PCDHA9: variants seen among roughly 807,000 people sequenced by gnomAD.
The protein encoded by PCDHA9 is protocadherin alpha-9.
Under a neutral mutation model 62.0 loss-of-function variants are expected in PCDHA9, and 62 were observed. The observed-to-expected ratio is 1.00, with a 90% CI of 0.81 to 1.23. The LOEUF (loss-of-function observed/expected upper bound fraction) is 1.23. Among genes scored for constraint, PCDHA9 ranks in the 50% most tolerant of loss-of-function variants. The pLI, the probability that PCDHA9 is intolerant of heterozygous loss-of-function variation, is 0.00. For missense variants in PCDHA9, 1,205 were observed against 1,249.8 expected, an observed-to-expected ratio of 0.96 and a Z score of 0.54; for synonymous variants, 557 against 567.6, an observed-to-expected ratio of 0.98 and a Z score of 0.27.
intron 1 of PCDHA9, among the ~76,000 whole-genome samples, chr5:140,952,125 A>G (rs1027710629): frequency 6.6e-6 from 1 of 152,092 alleles, no homozygotes; most frequent in African/African-American, 2.4e-5. Context: ...TGGGCTCCCA[A>G]GGCCTTGGGA....
Position 140,883,273 on chromosome 5 carries a change from C to A in PCDHA9, c.2394+32384C>A, listed in dbSNP as rs370482487. Reference sequence around the variant, plus strand: ...ATATTCCAATGGCGGGTCATTGTACCCTTTTGGTGGAAGTACTAGATGTAA... The same window carrying A: ...ATATTCCAATGGCGGGTCATTGTACACTTTTGGTGGAAGTACTAGATGTAA... On this transcript the variant is annotated intron_variant, in intron 1 of 3. Transcript: ENST00000532602. 10 of 1,613,676 alleles carry A rather than the reference C, an allele frequency of 6.2e-6. No homozygotes were observed. The Middle Eastern group carries it at 6.6e-4, about 106-fold the overall frequency.
intron 1 of PCDHA9, among the ~76,000 whole-genome samples, chr5:140,955,667 T>C (rs1485421057): frequency 6.6e-6 from 1 of 152,188 alleles, no homozygotes; most frequent in Admixed American, 6.5e-5. Flanking sequence ...AATTTTAACA[T>C]AGTTTTTTCG....
chr5:140,900,927 G>A (rs2068371563), intron 1 of PCDHA9, among the ~76,000 whole-genome samples: 2 of 152,056 alleles, frequency 1.3e-5, no homozygotes, highest in South Asian at 4.1e-4. Context: ...ATATCTCATT[G>A]TAGTTTTGAT....
chr5:141,004,809 C>A (rs1319049687), intron 3 of PCDHA9, among the ~76,000 whole-genome samples: 1 of 152,144 alleles, frequency 6.6e-6, no homozygotes. Context: ...AGCTCAATTG[C>A]AGATTTGATT....
At chr5:140,951,544 G>C (rs543008494) in intron 1 of PCDHA9, among the ~76,000 whole-genome samples, 1 of 151,878 alleles carries the variant, frequency 6.6e-6, no homozygotes, top group African/African-American at 2.4e-5. Context: ...AGCAAGGGAC[G>C]GGGGGAAGTG....
At position 140,993,460 on chromosome 5, in the gene PCDHA9, T is replaced by TCACACA. The variant is rs1554253699; in HGVS notation, c.2542+10898_2542+10899insACACAC. ...TTCATTCCTGTTCTCCTTCTTTCTT[T>TCACACA]CTCACACACACACACACACACACAC... On this transcript the variant is annotated intron_variant, in intron 3 of 3. Transcript: ENST00000532602. Among the ~76,000 whole-genome samples, 49 of 104,564 alleles carry TCACACA rather than the reference T, an allele frequency of 4.7e-4. 1 individual carries two copies. Among genetic ancestry groups the TCACACA allele is most frequent in the Admixed American group, 1.8e-3 (15 of 8,460 alleles). 68.6% of individuals were successfully genotyped at this position (104,564 alleles called of 152,430 possible).
At chr5:140,880,198 G>C (rs1360437780) in intron 1 of PCDHA9, among the ~76,000 whole-genome samples, 1 of 152,164 alleles carries the variant, frequency 6.6e-6, no homozygotes, top group Non-Finnish European at 1.5e-5. Flanking sequence ...ATAAACAGAA[G>C]AGGTTTTCCA....
At chr5:140,902,761 G>A (rs58783050) in intron 1 of PCDHA9, among the ~76,000 whole-genome samples, 3,599 of 148,306 alleles carry the variant, frequency 0.024, 139 homozygotes, top group African/African-American at 0.083. Flanking sequence ...TCATTCTTAT[G>A]TCTTTGCATT....
At chr5:140,863,590 A>G (rs1182896433) in intron 1 of PCDHA9, 1 of 358,846 alleles carries the variant, frequency 2.8e-6, no homozygotes, top group African/African-American at 2.1e-5. Flanking sequence ...CCTGGAAAGT[A>G]TTTCATTCCT....
At chr5:140,967,159 G>A in intron 1 of PCDHA9, 2 of 1,610,752 alleles carry the variant, frequency 1.2e-6, no homozygotes, top group Non-Finnish European at 1.7e-6. Context: ...CCGTGGCGGT[G>A]AGCGCCGTTG....
At chr5:140,968,640 C>T (rs2096260908) in intron 1 of PCDHA9, 1 of 1,614,038 alleles carries the variant, frequency 6.2e-7, no homozygotes, top group Admixed American at 1.7e-5. Context: ...TACCATCTAG[C>T]CCAGACTTCT....
At chr5:141,003,081 T>C (rs2098110268) in intron 3 of PCDHA9, among the ~76,000 whole-genome samples, 1 of 152,238 alleles carries the variant, frequency 6.6e-6, no homozygotes, top group Admixed American at 6.5e-5. Context: ...AGGGTGAGTT[T>C]AACAGGCCTG....
At chr5:141,004,532 C>G (rs569751588) in intron 3 of PCDHA9, among the ~76,000 whole-genome samples, 1 of 152,314 alleles carries the variant, frequency 6.6e-6, no homozygotes, top group African/African-American at 2.4e-5. Context: ...TACACACAGC[C>G]ATTAATGTCC....
Position 141,010,405 on chromosome 5 carries a change from C to G in PCDHA9, c.*468C>G. On this transcript the variant is annotated 3_prime_UTR_variant, in exon 4 of 4. Transcript: ENST00000532602. ...ATTGGCTGAGACGAGCCAGCTTAGA[C>G]TAATTGGTACAAGGAAGGCAAGAAA... 1 of 1,260,098 alleles carries G rather than the reference C, an allele frequency of 7.9e-7. No homozygotes were observed. Among genetic ancestry groups the G allele is most frequent in the South Asian group, 1.6e-5 (1 of 64,208 alleles). 78.1% of individuals were successfully genotyped at this position (1,260,098 alleles called of 1,614,324 possible). A position where few individuals can be genotyped will look rare whatever the true frequency, so the allele number is the denominator to read the frequency against.
At chr5:140,923,434 G>A (rs1461886077) in intron 1 of PCDHA9, among the ~76,000 whole-genome samples, 1 of 152,088 alleles carries the variant, frequency 6.6e-6, no homozygotes, top group Non-Finnish European at 1.5e-5. Context: ...AGGCTGGGGT[G>A]GGAGGATCAC....
At chr5:140,933,731 A>G (rs1210438420) in intron 1 of PCDHA9, among the ~76,000 whole-genome samples, 2 of 151,958 alleles carry the variant, frequency 1.3e-5, no homozygotes, top group East Asian at 1.9e-4. Context: ...CAGCTTTCTT[A>G]AATATTTGGT....
At chr5:140,886,599 G>A (rs1370842751) in intron 1 of PCDHA9, among the ~76,000 whole-genome samples, 1 of 151,940 alleles carries the variant, frequency 6.6e-6, no homozygotes, top group African/African-American at 2.4e-5. Flanking sequence ...AGGCCAAGGT[G>A]GGCGGATCAG....
At chr5:140,896,608 C>A (rs1356168334) in intron 1 of PCDHA9, among the ~76,000 whole-genome samples, 2 of 151,832 alleles carry the variant, frequency 1.3e-5, no homozygotes, top group Non-Finnish European at 2.9e-5. Context: ...AACTCCTGGT[C>A]TTAAGTGATC....
chr5:140,850,168 A>C lies in PCDHA9; in HGVS notation c.1673A>C (p.Glu558Ala). The change falls in exon 1 of 4, where the codon GAG becomes GCG. Residue 558 changes from glutamate to alanine, a missense_variant. Physicochemically the swap from Glu to Ala is moderately radical, Grantham distance 107 (BLOSUM62 -1). Transcript: ENST00000532602. Reference sequence around the variant, plus strand: ...ACGCTGCAGGTGTTCGTGCTGGACGAGAACGACAATGCGCCGGCGCTGCTG... The same window carrying C: ...ACGCTGCAGGTGTTCGTGCTGGACGCGAACGACAATGCGCCGGCGCTGCTG... ...NVTLQVFVLDENDNAPALLTP... is the reference protein window; with the variant it reads ...NVTLQVFVLDANDNAPALLTP... The C allele has an allele frequency of 6.3e-7, 1 of 1,594,824 alleles. No individual in the cohort carries two copies. The highest frequency in any genetic ancestry group is 8.6e-7 in the Non-Finnish European group (1 of 1,167,786).
Sources: allele counts gnomAD v4.1 joint callset (sites outside exome capture counted in the v4.1 genomes callset), GRCh38; gene constraint gnomAD v4.1.1; transcripts MANE v1.5; gene names NCBI Gene and HGNC (gene_info 2026-07-23, HGNC 2026-07-21).